SH3PXD2A: variants seen among roughly 807,000 people sequenced by gnomAD.
The protein encoded by SH3PXD2A is SH3 and PX domain-containing protein 2A.
In SH3PXD2A, 32 loss-of-function variants were observed where a neutral mutation model predicts 115.2. The observed-to-expected ratio is 0.28, with a 90% CI of 0.21 to 0.37. The LOEUF is 0.37. Among genes scored for constraint, SH3PXD2A ranks in the 10% least tolerant of loss-of-function variants. SH3PXD2A has a pLI of 1.00. For synonymous variants in SH3PXD2A, 610 were observed against 629.1 expected, an observed-to-expected ratio of 0.97 and a Z score of 0.45; for missense variants, 1,328 against 1,498.7, an observed-to-expected ratio of 0.89 and a Z score of 1.88.
intron 8 of SH3PXD2A, among the ~76,000 whole-genome samples, chr10:103,644,630 G>A (rs2037009251): frequency 6.6e-6 from 1 of 151,772 alleles, no homozygotes; most frequent in African/African-American, 2.4e-5. Flanking sequence ...GCTGGTGGGG[G>A]CAGAGGGGTT....
intron 8 of SH3PXD2A, among the ~76,000 whole-genome samples, chr10:103,634,304 C>T (rs1188405432): frequency 1.3e-5 from 2 of 152,252 alleles, no homozygotes; most frequent in Non-Finnish European, 2.9e-5. Context: ...TGTGCTTGGA[C>T]ATGATATGCA....
intron 3 of SH3PXD2A, among the ~76,000 whole-genome samples, chr10:103,738,462 T>C (rs2134188728): frequency 6.6e-6 from 1 of 152,140 alleles, no homozygotes; most frequent in East Asian, 1.9e-4. Flanking sequence ...GCCTTTCTAA[T>C]GAAGGCAGTT....
chr10:103,796,796 T>G (rs567207679), intron 2 of SH3PXD2A, among the ~76,000 whole-genome samples: 1 of 151,952 alleles, frequency 6.6e-6, no homozygotes, highest in Non-Finnish European at 1.5e-5. Flanking sequence ...TAAATTTGAA[T>G]TTCAGATAAA....
chr10:103,636,427 A>G (rs2036866600), intron 8 of SH3PXD2A, among the ~76,000 whole-genome samples: 1 of 148,098 alleles, frequency 6.8e-6, no homozygotes. Context: ...AAAAAAAAAA[A>G]GAGTAGAGAT....
intron 8 of SH3PXD2A, among the ~76,000 whole-genome samples, chr10:103,639,848 C>G (rs768606877): frequency 2.6e-5 from 4 of 151,888 alleles, no homozygotes; most frequent in Non-Finnish European, 4.4e-5. Context: ...AAAGGCAAGA[C>G]GATGGAAGAT....
intron 2 of SH3PXD2A, among the ~76,000 whole-genome samples, chr10:103,783,527 G>A (rs1458377033): frequency 1.3e-5 from 2 of 152,216 alleles, no homozygotes; most frequent in African/African-American, 2.4e-5. Context: ...GACTGGCCAG[G>A]TGTGGGGTGG....
chr10:103,675,244 C>G (rs544509327), intron 6 of SH3PXD2A, among the ~76,000 whole-genome samples: 1 of 152,336 alleles, frequency 6.6e-6, no homozygotes, highest in South Asian at 2.1e-4. Context: ...TGATTTAATG[C>G]TCTTCTGTCA....
At chr10:103,719,717 C>CTT (rs2038155760) in intron 5 of SH3PXD2A, among the ~76,000 whole-genome samples, 3 of 117,590 alleles carry the variant, frequency 2.6e-5, no homozygotes, top group African/African-American at 3.6e-5. Flanking sequence ...TTTTTTTTTT[C>CTT]TTTCTTTTTT....
chr10:103,819,562 G>C (rs2039357012), intron 1 of SH3PXD2A, among the ~76,000 whole-genome samples: 2 of 152,052 alleles, frequency 1.3e-5, no homozygotes, highest in Admixed American at 6.5e-5. Flanking sequence ...GGAATGATGG[G>C]GGCAGAAGAG....
At chr10:103,819,208 GAGA>G in intron 1 of SH3PXD2A, among the ~76,000 whole-genome samples, 1 of 152,350 alleles carries the variant, frequency 6.6e-6, no homozygotes, top group African/African-American at 2.4e-5. Context: ...CTGGTGTGGT[GAGA>G]AAGAGCAGTA....
intron 6 of SH3PXD2A, among the ~76,000 whole-genome samples, chr10:103,684,345 C>G (rs1236983753): frequency 6.7e-6 from 1 of 149,660 alleles, no homozygotes; most frequent in East Asian, 2.0e-4. Context: ...AATAGAGGAA[C>G]TTTTTCAGGT....
chr10:103,717,261 C>T (rs2038115594), intron 5 of SH3PXD2A, among the ~76,000 whole-genome samples: 1 of 152,182 alleles, frequency 6.6e-6, no homozygotes, highest in Non-Finnish European at 1.5e-5. Flanking sequence ...TTTATTTTGG[C>T]ACAGTTGGGC....
intron 1 of SH3PXD2A, among the ~76,000 whole-genome samples, chr10:103,854,925 G>A (rs1194275105): frequency 6.6e-6 from 1 of 152,166 alleles, no homozygotes; most frequent in East Asian, 1.9e-4. Flanking sequence ...CATCAAAGGC[G>A]GACAGATGAC....
In SH3PXD2A at chr10:103,759,061, G is replaced by A. The variant is rs186291664; in HGVS notation, c.229+8033C>T. On this transcript the variant is annotated intron_variant, in intron 3 of 14. Transcript: ENST00000369774. Reference sequence around the variant, plus strand: ...ACAGACACCTATAGCCCAGGGAGCGGGCCACGGACCAGCTCTAGTTAAAGA... The same window carrying A: ...ACAGACACCTATAGCCCAGGGAGCGAGCCACGGACCAGCTCTAGTTAAAGA... Among the ~76,000 whole-genome samples, 259 of 152,234 alleles carry A rather than the reference G, an allele frequency of 1.7e-3. 3 individuals are homozygous for A. The highest frequency in any genetic ancestry group is 5.9e-3 in the African/African-American group (244 of 41,546).
intron 4 of SH3PXD2A, 148 bp downstream of exon 4, chr10:103,735,584 A>C: frequency 1.5e-6 from 1 of 667,052 alleles, no homozygotes; most frequent in Non-Finnish European, 2.6e-6. Flanking sequence ...GGGTGATCCC[A>C]TACCCACCCC....
intron 12 of SH3PXD2A, 127 bp downstream of exon 12, chr10:103,612,726 A>G: frequency 1.6e-6 from 1 of 611,458 alleles, no homozygotes; most frequent in Non-Finnish European, 2.8e-6. Context: ...TGAGGGTCAA[A>G]GGCCAGTCTG....
chr10:103,828,255 A>T (rs954708103), intron 1 of SH3PXD2A, among the ~76,000 whole-genome samples: 1 of 152,202 alleles, frequency 6.6e-6, no homozygotes, highest in Non-Finnish European at 1.5e-5. Flanking sequence ...CAGCTGAAGG[A>T]ACAAGAGTCC....
intron 6 of SH3PXD2A, among the ~76,000 whole-genome samples, chr10:103,676,174 A>T (rs535641436): frequency 6.6e-6 from 1 of 152,162 alleles, no homozygotes; most frequent in Non-Finnish European, 1.5e-5. Flanking sequence ...TCATTTTCTG[A>T]TCCTCCCTGG....
intron 5 of SH3PXD2A, among the ~76,000 whole-genome samples, chr10:103,721,067 A>G (rs986394612): frequency 2.6e-5 from 4 of 152,044 alleles, no homozygotes; most frequent in Non-Finnish European, 5.9e-5. Context: ...GAGGCAGATA[A>G]CCCCTGCTGG....
Sources: allele counts gnomAD v4.1 joint callset (sites outside exome capture counted in the v4.1 genomes callset), GRCh38; gene constraint gnomAD v4.1.1; transcripts MANE v1.5; gene names NCBI Gene and HGNC (gene_info 2026-07-23, HGNC 2026-07-21).